Variants in RECK observed in about 807,000 individuals in gnomAD.
RECK encodes reversion-inducing cysteine-rich protein with Kazal motifs.
RECK carries 69 observed loss-of-function variants against 115.1 expected under a neutral mutation model. That is an observed-to-expected ratio of 0.60 (90% CI 0.49 to 0.73). The LOEUF (loss-of-function observed/expected upper bound fraction) is 0.73. Among genes scored for constraint, RECK ranks in the 30% least tolerant of loss-of-function variants. The pLI is 0.00. For missense variants in RECK, 1,047 were observed against 1,203.7 expected, an observed-to-expected ratio of 0.87 and a Z score of 1.93; for synonymous variants, 414 against 419.7, an observed-to-expected ratio of 0.99 and a Z score of 0.17.
intron 8 of RECK, chr9:36,086,180 A>C (rs1822950550): frequency 1.3e-5 from 2 of 152,242 alleles, no homozygotes; most frequent in South Asian, 4.1e-4. Flanking sequence ...GGCAGAGCCA[A>C]ACTGATATCT....
chr9:36,069,508 A>G (rs1359747392), intron 6 of RECK, among the ~76,000 whole-genome samples: 1 of 151,652 alleles, frequency 6.6e-6, no homozygotes, highest in Non-Finnish European at 1.5e-5. Flanking sequence ...AAGAAGAGCA[A>G]GCATACTTTA....
intron 6 of RECK, among the ~76,000 whole-genome samples, chr9:36,078,009 C>T (rs1054216753): frequency 2.0e-5 from 3 of 147,796 alleles, no homozygotes; most frequent in African/African-American, 7.3e-5. Flanking sequence ...CATAGCAAAA[C>T]CCTGTGTCTT....
intron 16 of RECK, among the ~76,000 whole-genome samples, chr9:36,116,736 C>A (rs1377576389): frequency 6.6e-6 from 1 of 152,244 alleles, no homozygotes; most frequent in Non-Finnish European, 1.5e-5. Flanking sequence ...GCCTCCTCCC[C>A]ATGCTTTCTT....
intron 15 of RECK, among the ~76,000 whole-genome samples, chr9:36,112,001 T>TA (rs916653215): frequency 1.3e-5 from 2 of 150,988 alleles, no homozygotes; most frequent in African/African-American, 4.9e-5. Context: ...CATGCGCCTG[T>TA]AGTCCCAGCT....
At chr9:36,065,002 T>C (rs897239126) in intron 5 of RECK, among the ~76,000 whole-genome samples, 2 of 152,126 alleles carry the variant, frequency 1.3e-5, no homozygotes, top group African/African-American at 2.4e-5. Flanking sequence ...AGTTTCCTCA[T>C]CTGTAGAGGG....
intron 13 of RECK, among the ~76,000 whole-genome samples, chr9:36,106,336 G>A (rs1453756862): frequency 1.3e-5 from 2 of 150,660 alleles, no homozygotes; most frequent in Admixed American, 6.6e-5. Context: ...CTGGGCTCAA[G>A]CAATTCTCCT....
chr9:36,076,862 G>C (rs1822470838), intron 6 of RECK, among the ~76,000 whole-genome samples: 1 of 152,124 alleles, frequency 6.6e-6, no homozygotes, highest in South Asian at 2.1e-4. Flanking sequence ...ATTCAACCTT[G>C]CATTGGCTGC....
At chr9:36,057,546 G>A (rs888945994) in intron 2 of RECK, among the ~76,000 whole-genome samples, 11 of 152,316 alleles carry the variant, frequency 7.2e-5, no homozygotes, top group East Asian at 1.9e-4. Context: ...AGCCAGGCAC[G>A]GAGGCTCATG....
intron 1 of RECK, among the ~76,000 whole-genome samples, chr9:36,037,348 C>T (rs1820706783): frequency 2.0e-5 from 3 of 151,848 alleles, no homozygotes; most frequent in Non-Finnish European, 4.4e-5. Flanking sequence ...CCCACCGACA[C>T]GGGCCCCCTC....
chr9:36,051,893 C>G (rs113632072), intron 1 of RECK, among the ~76,000 whole-genome samples: 134 of 152,298 alleles, frequency 8.8e-4, no homozygotes, highest in Middle Eastern at 3.4e-3. Flanking sequence ...ATCTTTTTAT[C>G]AGTTGACTTT....
intron 6 of RECK, among the ~76,000 whole-genome samples, chr9:36,070,512 G>GAA (rs528340091): frequency 1.0e-4 from 14 of 140,490 alleles, no homozygotes; most frequent in African/African-American, 2.1e-4. Flanking sequence ...CCATTCTTTT[G>GAA]AAAAAAAAAA....
In RECK at chr9:36,037,975, C is replaced by A. The variant is rs564225872; in HGVS notation, c.100+877C>A. ...CATGCAAAAGTGGTGAAGTGCATTG[C>A]TTACAGGGAGACAGGCAGAGACACC... On this transcript the variant is annotated intron_variant, in intron 1 of 20. Coordinates refer to ENST00000377966, the MANE Select transcript of RECK (RefSeq NM_021111.3). Among the ~76,000 whole-genome samples the A allele has an allele frequency of 2.8e-5, 4 of 141,534 alleles. No homozygotes were observed. The Admixed American group carries it at 3.0e-4, about 11-fold the overall frequency. 92.9% of individuals were successfully genotyped at this position (141,534 alleles called of 152,430 possible). A position where few individuals can be genotyped will look rare whatever the true frequency, so the allele number is the denominator to read the frequency against.
At chr9:36,117,708 C>T (rs1824314377) in intron 17 of RECK, among the ~76,000 whole-genome samples, 3 of 152,196 alleles carry the variant, frequency 2.0e-5, no homozygotes, top group South Asian at 4.1e-4. Flanking sequence ...CTGGGCCGGG[C>T]GCGGTGGCTC....
intron 6 of RECK, among the ~76,000 whole-genome samples, chr9:36,073,261 CACACACACACACACACAT>C (rs1413867176): frequency 6.6e-6 from 1 of 151,210 alleles, no homozygotes; most frequent in African/African-American, 2.4e-5. Flanking sequence ...CACACACACA[CACACACACACACACACAT>C]CCATCCCAAA....
In RECK at chr9:36,063,868, G is replaced by A. The variant is rs778208386; in HGVS notation, c.345G>A (p.Gln115=). The A allele has an allele frequency of 2.5e-6, 4 of 1,613,914 alleles. No individual in the cohort carries two copies. The Admixed American group carries it at 6.7e-5, about 27-fold the overall frequency. The change falls in exon 5 of 21, where the codon CAG becomes CAA. Residue 115 remains glutamine, a synonymous_variant. Coordinates refer to ENST00000377966, the MANE Select transcript of RECK (RefSeq NM_021111.3). ...CELAIALECR[Q]ACKQASSKND... ...TGGCTATTGCCTTGGAGTGTCGACA[G>A]GCATGCAAGCAGGTAACACTGGGTA...
chr9:36,103,982 A>G (rs1380663171), intron 12 of RECK, among the ~76,000 whole-genome samples: 5 of 152,084 alleles, frequency 3.3e-5, no homozygotes, highest in African/African-American at 7.2e-5. Flanking sequence ...AGGAAACTAT[A>G]TCAATGGGAG....
intron 18 of RECK, among the ~76,000 whole-genome samples, chr9:36,119,395 G>C (rs1824377802): frequency 6.6e-6 from 1 of 152,212 alleles, no homozygotes. Flanking sequence ...TGTTGTCTTA[G>C]ATTGGCCTTA....
intron 16 of RECK, among the ~76,000 whole-genome samples, chr9:36,115,820 T>C (rs1426998313): frequency 6.6e-6 from 1 of 152,192 alleles, no homozygotes; most frequent in Non-Finnish European, 1.5e-5. Context: ...CTAAAATTTA[T>C]ATACCTTAGT....
chr9:36,104,972 T>C (rs1823742725), intron 12 of RECK, among the ~76,000 whole-genome samples, 171 bp from the exon 13 acceptor site: 1 of 152,226 alleles, frequency 6.6e-6, no homozygotes, highest in African/African-American at 2.4e-5. Context: ...TTATGTGAAA[T>C]TCATCATTTC....
Sources: allele counts gnomAD v4.1 joint callset (sites outside exome capture counted in the v4.1 genomes callset), GRCh38; gene constraint gnomAD v4.1.1; transcripts MANE v1.5; gene names NCBI Gene and HGNC (gene_info 2026-07-23, HGNC 2026-07-21).